FAT4: variants seen among roughly 807,000 people sequenced by gnomAD.
FAT4 encodes protocadherin Fat 4.
Under a neutral mutation model 303.9 loss-of-function variants are expected in FAT4, and 84 were observed. The observed-to-expected ratio is 0.28, with a 90% CI of 0.23 to 0.33. The LOEUF (loss-of-function observed/expected upper bound fraction) is 0.33, where lower values mean the gene tolerates loss of function less well. FAT4 is among the 10% of genes least tolerant of loss of function. The pLI is 1.00. For synonymous variants in FAT4, 2,307 were observed against 2,298.8 expected (o/e 1.00, Z -0.10); for missense variants, 6,005 against 6,146.8 (o/e 0.98, Z 0.77).
intron 8 of FAT4, among the ~76,000 whole-genome samples, chr4:125,443,009 A>G (rs2126051860): frequency 6.6e-6 from 1 of 152,276 alleles, no homozygotes; most frequent in African/African-American, 2.4e-5. Flanking sequence ...AAATGTTAAG[A>G]AATTTTTGTG....
intron 7 of FAT4, among the ~76,000 whole-genome samples, chr4:125,420,742 G>A (rs1735257815): frequency 6.6e-6 from 1 of 152,140 alleles, no homozygotes; most frequent in South Asian, 2.1e-4. Flanking sequence ...TTAAAATACT[G>A]CTTGAGCTAT....
At chr4:125,344,478 C>T (rs1399757874) in intron 2 of FAT4, among the ~76,000 whole-genome samples, 2 of 152,100 alleles carry the variant, frequency 1.3e-5, no homozygotes, top group African/African-American at 4.8e-5. Context: ...ACCAATTCCC[C>T]ATGTTGAAAT....
At chr4:125,338,621 C>T (rs1307899665) in intron 2 of FAT4, among the ~76,000 whole-genome samples, 5 of 152,152 alleles carry the variant, frequency 3.3e-5, no homozygotes, top group Non-Finnish European at 7.3e-5. Context: ...ACAAACATCA[C>T]ATAAACTATT....
chr4:125,478,517 T>C (rs1418198606), intron 14 of FAT4, among the ~76,000 whole-genome samples: 1 of 152,116 alleles, frequency 6.6e-6, no homozygotes, highest in Non-Finnish European at 1.5e-5. Flanking sequence ...ATGTCCAGAA[T>C]GATGTTTCTG....
chr4:125,415,104 C>A lies in FAT4; in HGVS notation c.6141C>A (p.Asn2047Lys), dbSNP rs939165637. The A allele has an allele frequency of 1.2e-6, 2 of 1,613,790 alleles. No individual in the cohort carries two copies. Among genetic ancestry groups the A allele is most frequent in the Non-Finnish European group, 1.7e-6 (2 of 1,179,854 alleles). Residue 2047 changes from asparagine to lysine, a missense_variant, in exon 6 of 18, where the codon AAC becomes AAA. Physicochemically the swap from Asn to Lys is moderately conservative, Grantham distance 94. Transcript: ENST00000394329. Reference sequence around the variant, plus strand: ...TTATTTTGTTGGATGTAAATGATAACCCACCGACATTTCTTTCCCCTAAAT... The same window carrying A: ...TTATTTTGTTGGATGTAAATGATAAACCACCGACATTTCTTTCCCCTAAAT... ...VSIILLDVND[N>K]PPTFLSPKLT...
In FAT4 at chr4:125,363,450, A is replaced by T. The variant is rs529461457; in HGVS notation, c.5176-35334A>T. Among the ~76,000 whole-genome samples, 8 of 151,286 alleles carry T rather than the reference A, an allele frequency of 5.3e-5. No individual in the cohort carries two copies. The East Asian group carries it at 1.4e-3, about 26-fold the overall frequency. ...GATTAAATCATACCATGTTAGTTTA[A>T]TTTTTTTTATTTTTTCAATTCTATA... is the stretch of plus-strand genomic sequence containing the variant. On this transcript the variant is annotated intron_variant, in intron 2 of 17. Transcript: ENST00000394329.
intron 2 of FAT4, among the ~76,000 whole-genome samples, chr4:125,376,826 G>A (rs146903068): frequency 0.018 from 2,774 of 152,066 alleles, 91 homozygotes; most frequent in African/African-American, 0.064. Context: ...TGGAGGTTCC[G>A]GTGAGCCGAG....
chr4:125,470,418 A>G (rs1726816824), intron 12 of FAT4, among the ~76,000 whole-genome samples: 1 of 152,198 alleles, frequency 6.6e-6, no homozygotes, highest in Non-Finnish European at 1.5e-5. Flanking sequence ...CTAGCTATGA[A>G]AATCCTAGAT....
At chr4:125,395,787 A>T (rs1034252988) in intron 2 of FAT4, among the ~76,000 whole-genome samples, 4 of 152,166 alleles carry the variant, frequency 2.6e-5, no homozygotes, top group African/African-American at 4.8e-5. Context: ...GTCTATATAG[A>T]TTCATTCAAA....
intron 2 of FAT4, among the ~76,000 whole-genome samples, chr4:125,350,750 C>T (rs1732190806): frequency 6.6e-6 from 1 of 151,618 alleles, no homozygotes; most frequent in Non-Finnish European, 1.5e-5. Context: ...AAAGTTCCTG[C>T]TGATTTCCTT....
intron 5 of FAT4, among the ~76,000 whole-genome samples, chr4:125,410,338 G>T (rs4834033): frequency 0.99 from 150,843 of 152,254 alleles, 74,737 homozygotes; most frequent in East Asian, 1. Context: ...CAAGTGTTTT[G>T]CATGTACCCA....
At chr4:125,396,511 T>A (rs1430631604) in intron 2 of FAT4, among the ~76,000 whole-genome samples, 1 of 152,004 alleles carries the variant, frequency 6.6e-6, no homozygotes, top group Non-Finnish European at 1.5e-5. Flanking sequence ...TACGCTCAAT[T>A]TGATGTTCTT....
At position 125,319,205 on chromosome 4, in the gene FAT4, C is replaced by G. The variant is rs1018853370; in HGVS notation, c.2794C>G (p.Leu932Val). ...TGTCAATGGCATGGTACTCTATAGT[C>G]TGAAGCAAAACCCCAAGAACCTGTT... is the stretch of plus-strand genomic sequence containing the variant. ...EGVNGMVLYS[L>V]KQNPKNLFAI... is the part of the protein sequence containing the mutation. Residue 932 changes from leucine (L) to valine (V), a missense_variant, in exon 2 of 18, where the codon CTG becomes GTG. Coordinates refer to ENST00000394329, the MANE Select transcript of FAT4 (RefSeq NM_001291303.3). 1 of 1,614,150 alleles carries G rather than the reference C, an allele frequency of 6.2e-7. No homozygotes were observed.
intron 2 of FAT4, among the ~76,000 whole-genome samples, chr4:125,333,551 C>T (rs1178839777): frequency 1.3e-5 from 2 of 152,076 alleles, no homozygotes; most frequent in Non-Finnish European, 2.9e-5. Flanking sequence ...TATTTTATAA[C>T]CAAAGCAAGA....
chr4:125,481,824 T>C (rs954960290), intron 16 of FAT4, 86 bp downstream of exon 16: 3 of 1,198,638 alleles, frequency 2.5e-6, no homozygotes, highest in African/African-American at 3.0e-5. Context: ...ATTTCTGTCC[T>C]TTTCTTTACA....
chr4:125,340,285 T>TA (rs1731732459), intron 2 of FAT4, among the ~76,000 whole-genome samples: 1 of 152,236 alleles, frequency 6.6e-6, no homozygotes, highest in Admixed American at 6.5e-5. Flanking sequence ...AAATGCATAT[T>TA]ACTTTTCAGA....
At chr4:125,480,224 G>A (rs1026238852) in intron 15 of FAT4, among the ~76,000 whole-genome samples, 28 of 151,936 alleles carry the variant, frequency 1.8e-4, no homozygotes, top group African/African-American at 6.5e-4. Flanking sequence ...TTTTTCTGGT[G>A]AATTTTTGTG....
intron 2 of FAT4, among the ~76,000 whole-genome samples, chr4:125,361,691 T>C (rs1732677443): frequency 6.6e-6 from 1 of 152,172 alleles, no homozygotes; most frequent in East Asian, 1.9e-4. Flanking sequence ...AGTTATTTGC[T>C]CTGTTTCAGA....
At chr4:125,381,053 G>A (rs1474790812) in intron 2 of FAT4, among the ~76,000 whole-genome samples, 1 of 152,102 alleles carries the variant, frequency 6.6e-6, no homozygotes, top group African/African-American at 2.4e-5. Flanking sequence ...TAGTAGTCAA[G>A]TAGTTTCTCT....
Sources: allele counts gnomAD v4.1 joint callset (sites outside exome capture counted in the v4.1 genomes callset), GRCh38; gene constraint gnomAD v4.1.1; transcripts MANE v1.5; gene names NCBI Gene and HGNC (gene_info 2026-07-23, HGNC 2026-07-21).